PRRX1: variants seen among roughly 807,000 people sequenced by gnomAD.
PRRX1 encodes paired related homeobox 1, also known as paired mesoderm homeobox protein 1.
Under a neutral mutation model 24.0 loss-of-function variants are expected in PRRX1, and 8 were observed. The observed-to-expected ratio is 0.33, with a 90% CI of 0.20 to 0.60. The LOEUF is 0.60. Among genes scored for constraint, PRRX1 ranks in the 20% least tolerant of loss-of-function variants. The pLI, the probability that PRRX1 is intolerant of heterozygous loss-of-function variation, is 0.82. For synonymous variants in PRRX1, 160 were observed against 131.7 expected, an observed-to-expected ratio of 1.22 and a Z score of -1.47; for missense variants, 281 against 322.4, an observed-to-expected ratio of 0.87 and a Z score of 0.98.
intron 1 of PRRX1, among the ~76,000 whole-genome samples, chr1:170,689,865 T>C (rs1653877572): frequency 6.7e-6 from 1 of 149,324 alleles, no homozygotes; most frequent in Non-Finnish European, 1.5e-5. Flanking sequence ...TCTCTCTCTC[T>C]CTCTCTCTCT....
rs1655411681 is a variant in PRRX1, at chr1:170,730,856, G to A, written c.599+4455G>A. On this transcript the variant is annotated intron_variant, in intron 3 of 3. Transcript: ENST00000239461. ...TCTCCCTATTGCTTATTTCACAGGGGTGTTTGGAACCTATCGATAAGCAGT... is the reference window on the plus strand; with the variant it reads ...TCTCCCTATTGCTTATTTCACAGGGATGTTTGGAACCTATCGATAAGCAGT... Among the ~76,000 whole-genome samples, 4 of 152,078 alleles carry A rather than the reference G, an allele frequency of 2.6e-5. No individual in the cohort carries two copies. The South Asian group carries it at 8.3e-4, about 32-fold the overall frequency.
intron 2 of PRRX1, among the ~76,000 whole-genome samples, chr1:170,721,145 A>G (rs970668936): frequency 2.6e-5 from 4 of 152,148 alleles, no homozygotes; most frequent in Non-Finnish European, 5.9e-5. Context: ...CCTCCCAAAA[A>G]AACTGAATGA....
chr1:170,708,750 G>T (rs1340742879), intron 1 of PRRX1, among the ~76,000 whole-genome samples: 3 of 152,096 alleles, frequency 2.0e-5, no homozygotes, highest in Non-Finnish European at 4.4e-5. Flanking sequence ...TGCCTTCAAG[G>T]CTTACTTTCT....
At chr1:170,689,814 G>GTC (rs1174654159) in intron 1 of PRRX1, among the ~76,000 whole-genome samples, 3,505 of 107,816 alleles carry the variant, frequency 0.033, 103 homozygotes, top group East Asian at 0.12. Flanking sequence ...TTAATATTCC[G>GTC]TCTCTCTCTC....
Position 170,664,294 on chromosome 1 carries a change from G to C in PRRX1, c.76G>C (p.Asp26His). Residue 26 changes from aspartate to histidine, a missense_variant, in exon 1 of 4, where the codon GAC (aspartate) becomes CAC (histidine). By Grantham distance (81) the Asp-to-His change is moderately conservative (BLOSUM62 -1). Transcript: ENST00000239461. ...CCGCTTGGACAGCCCGGGCAACCTC[G>C]ACACCCTGCAGGCGAAAAAGAACTT... is the stretch of plus-strand genomic sequence containing the variant. ...GGRLDSPGNL[D>H]TLQAKKNFSV... The C allele has an allele frequency of 1.9e-6, 3 of 1,613,470 alleles. No individual in the cohort carries two copies. The highest frequency in any genetic ancestry group is 2.5e-6 in the Non-Finnish European group (3 of 1,179,836).
intron 1 of PRRX1, chr1:170,669,363 T>C (rs1304673096): frequency 1.5e-5 from 2 of 133,038 alleles, no homozygotes; most frequent in Non-Finnish European, 3.1e-5. Flanking sequence ...TTTTAGATTT[T>C]ACAACACGAG....
In PRRX1 at chr1:170,731,771, A is replaced by G. The variant is rs186625094; in HGVS notation, c.600-4277A>G. The stretch of plus-strand genomic sequence containing the variant: ...TGCATCTGTTAGGAATCTCCAAACA[A>G]GTAAATGGAAACATTTGAAGCTGAT... On this transcript the variant is annotated intron_variant, in intron 3 of 3. Transcript: ENST00000239461. Among the ~76,000 whole-genome samples, 8 of 152,332 alleles carry G rather than the reference A, an allele frequency of 5.3e-5. No homozygotes were observed. In the East Asian group the frequency reaches 1.5e-3, roughly 29 times the overall value.
rs973589691 is a variant in PRRX1 at position 170,737,622 on chromosome 1, C to A, written c.*1436C>A. On this transcript the variant is annotated 3_prime_UTR_variant, in exon 4 of 4. Coordinates refer to ENST00000239461, the MANE Select transcript of PRRX1 (RefSeq NM_022716.4). ...CCAACATTTAAAAGGCAATTGTGGG[C>A]TATTTTTATTTTTTAATATTTTGAA... 2.8e-5 allele frequency: 6 copies of A among 215,690 alleles called. No individual in the cohort carries two copies. Among genetic ancestry groups the A allele is most frequent in the African/African-American group, 1.4e-4 (6 of 44,286 alleles). 13.4% of individuals were successfully genotyped at this position (215,690 alleles called of 1,614,324 possible).
intron 1 of PRRX1, among the ~76,000 whole-genome samples, chr1:170,679,654 C>T (rs377444866): frequency 6.6e-6 from 1 of 152,152 alleles, no homozygotes; most frequent in Non-Finnish European, 1.5e-5. Context: ...CCACCTCGGC[C>T]TCCCAAAGTG....
intron 1 of PRRX1, among the ~76,000 whole-genome samples, chr1:170,680,176 G>A (rs1329449973): frequency 1.3e-5 from 2 of 152,074 alleles, no homozygotes; most frequent in East Asian, 1.9e-4. Context: ...TAAATATCAG[G>A]CTTTTTTTTT....
intron 1 of PRRX1, among the ~76,000 whole-genome samples, chr1:170,673,485 C>T (rs1054675237): frequency 1.3e-5 from 2 of 152,156 alleles, no homozygotes; most frequent in Non-Finnish European, 2.9e-5. Flanking sequence ...CTCCCCTTCC[C>T]ATTTCATACC....
chr1:170,731,125 G>T (rs1655424595), intron 3 of PRRX1, among the ~76,000 whole-genome samples: 1 of 152,158 alleles, frequency 6.6e-6, no homozygotes, highest in African/African-American at 2.4e-5. Flanking sequence ...AATCACAAAA[G>T]ATCCCTTTCC....
intron 1 of PRRX1, among the ~76,000 whole-genome samples, chr1:170,675,231 C>G (rs1038458849): frequency 6.6e-6 from 1 of 152,106 alleles, no homozygotes; most frequent in Admixed American, 6.5e-5. Context: ...TCTGCTTGTT[C>G]TAGCTGGGAA....
chr1:170,724,665 C>T (rs182876347), intron 2 of PRRX1, among the ~76,000 whole-genome samples: 100 of 152,196 alleles, frequency 6.6e-4, no homozygotes, highest in East Asian at 2.3e-3. Flanking sequence ...ACTAATACCA[C>T]GCTGTTTTGG....
At chr1:170,705,935 T>TACACACACACACACACACACACACAC (rs71125270) in intron 1 of PRRX1, among the ~76,000 whole-genome samples, 3 of 146,418 alleles carry the variant, frequency 2.0e-5, no homozygotes, top group Non-Finnish European at 3.0e-5. Flanking sequence ...CACACACACA[T>TACACACACACACACACACACACACAC]ACACACACAC....
intron 1 of PRRX1, among the ~76,000 whole-genome samples, chr1:170,708,282 A>T (rs994859752): frequency 1.3e-5 from 2 of 152,170 alleles, no homozygotes; most frequent in African/African-American, 4.8e-5. Context: ...ATGGAATAAG[A>T]TTATTCCACA....
intron 1 of PRRX1, among the ~76,000 whole-genome samples, chr1:170,715,236 C>T (rs1654869491): frequency 1.3e-5 from 2 of 152,082 alleles, no homozygotes; most frequent in Non-Finnish European, 2.9e-5. Flanking sequence ...AAAAAGAATT[C>T]AGAAATTACT....
intron 1 of PRRX1, among the ~76,000 whole-genome samples, chr1:170,698,875 G>A (rs1047411539): frequency 1.3e-5 from 2 of 152,162 alleles, no homozygotes. Context: ...AGTGTCAAGG[G>A]GGTCTCTGGA....
intron 1 of PRRX1, among the ~76,000 whole-genome samples, chr1:170,719,298 G>A (rs528821231): frequency 4.6e-5 from 7 of 152,318 alleles, no homozygotes; most frequent in African/African-American, 1.7e-4. Flanking sequence ...AAGGAACCAG[G>A]AGATAATTGG....
Sources: allele counts gnomAD v4.1 joint callset (sites outside exome capture counted in the v4.1 genomes callset), GRCh38; gene constraint gnomAD v4.1.1; transcripts MANE v1.5; gene names NCBI Gene and HGNC (gene_info 2026-07-23, HGNC 2026-07-21).